ABHD17B: variants seen among roughly 807,000 people sequenced by gnomAD.
ABHD17B encodes the protein alpha/beta hydrolase domain-containing protein 17B.
ABHD17B carries 9 observed loss-of-function variants against 26.2 expected under a neutral mutation model. That is an observed-to-expected ratio of 0.34 (90% confidence interval 0.21 to 0.60). ABHD17B has a LOEUF of 0.60. Among genes scored for constraint, ABHD17B ranks in the 20% least tolerant of loss-of-function variants. The pLI, the probability that ABHD17B is intolerant of heterozygous loss-of-function variation, is 0.80. For missense variants in ABHD17B, 224 were observed against 352.1 expected (o/e 0.64, Z 2.91); for synonymous variants, 127 against 122.3 (o/e 1.04, Z -0.25).
intron 1 of ABHD17B, among the ~76,000 whole-genome samples, chr9:71,887,985 T>C (rs1268085372): frequency 1.3e-5 from 2 of 152,220 alleles, no homozygotes; most frequent in Admixed American, 1.3e-4. Context: ...AAAGGATTCA[T>C]GTTCTTGAGA....
At chr9:71,862,495 T>C, downstream of ABHD17B, 1 of 1,463,750 alleles carries the variant, frequency 6.8e-7, no homozygotes, top group Non-Finnish European at 9.2e-7. Context: ...GAAAGGATCA[T>C]TGGTATATTA....
chr9:71,866,138 T>C lies in ABHD17B; in HGVS notation c.*649A>G. 1.0e-6 allele frequency: 1 copy of C among 985,254 alleles called. No homozygotes were observed. The highest frequency in any genetic ancestry group is 1.2e-6 in the Non-Finnish European group (1 of 829,402). 61.0% of individuals were successfully genotyped at this position (985,254 alleles called of 1,614,324 possible). A position where few individuals can be genotyped will look rare whatever the true frequency, so the allele number is the denominator to read the frequency against. On this transcript the variant is annotated 3_prime_UTR_variant, in exon 4 of 4. Coordinates refer to ENST00000333421, the MANE Select transcript of ABHD17B (RefSeq NM_001025780.3). ...AGTTAAAATTCAGTGCTATCATGAC[T>C]TCTCATTTACAAGGTAACTCATTGG...
At chr9:71,888,641 A>G (rs1001710179) in intron 1 of ABHD17B, among the ~76,000 whole-genome samples, 1 of 152,176 alleles carries the variant, frequency 6.6e-6, no homozygotes. Context: ...GGTTCATATT[A>G]TGGGTACCCC....
At chr9:71,884,950 GTTTTTCATATGGGGGCAAAACAGAATC>G (rs1343357621) in intron 1 of ABHD17B, among the ~76,000 whole-genome samples, 2 of 152,206 alleles carry the variant, frequency 1.3e-5, no homozygotes, top group African/African-American at 2.4e-5. Flanking sequence ...TATTACTTAG[GTTTTTCATATGGGGGCAAAACAGAATC>G]TTTTTCATAT....
At chr9:71,905,812 G>T (rs183338634) in intron 1 of ABHD17B, among the ~76,000 whole-genome samples, 1 of 152,246 alleles carries the variant, frequency 6.6e-6, no homozygotes, top group East Asian at 1.9e-4. Flanking sequence ...GCAGCGCCAT[G>T]GTAGGCAGAT....
rs376882296 is a variant in ABHD17B at position 71,880,716 on chromosome 9, C to T, written c.-3-5633G>A. On this transcript the variant is annotated intron_variant, in intron 1 of 3. Transcript: ENST00000333421. ...AATAAGATCGCACCCACAACCAAAACGACTATCTAGGAATTAATATAAAAT... is the reference window on the plus strand; with the variant it reads ...AATAAGATCGCACCCACAACCAAAATGACTATCTAGGAATTAATATAAAAT... Among the ~76,000 whole-genome samples the T allele has an allele frequency of 2.2e-4, 33 of 151,844 alleles. No homozygotes were observed. The East Asian group carries it at 2.9e-3, about 13-fold the overall frequency.
At chr9:71,891,303 T>G (rs1223727673) in intron 1 of ABHD17B, among the ~76,000 whole-genome samples, 1 of 152,180 alleles carries the variant, frequency 6.6e-6, no homozygotes, top group African/African-American at 2.4e-5. Context: ...TATCTAAATG[T>G]GTGTTATTGT....
intron 1 of ABHD17B, among the ~76,000 whole-genome samples, chr9:71,888,871 A>G (rs1272371491): frequency 6.6e-6 from 1 of 152,202 alleles, no homozygotes; most frequent in Non-Finnish European, 1.5e-5. Flanking sequence ...GCTGTAAAAC[A>G]TATTAGAGCT....
At chr9:71,903,266 C>T (rs1827194740) in intron 1 of ABHD17B, among the ~76,000 whole-genome samples, 1 of 151,930 alleles carries the variant, frequency 6.6e-6, no homozygotes, top group South Asian at 2.1e-4. Context: ...ATTCTAACAT[C>T]ACCTCAGACA....
At chr9:71,862,508 CCAGTT>C (rs1825853849), downstream of ABHD17B, 2 of 1,520,000 alleles carry the variant, frequency 1.3e-6, no homozygotes, top group Non-Finnish European at 1.8e-6. Flanking sequence ...GTATATTAAT[CCAGTT>C]AAGTTTGGTA....
chr9:71,880,547 C>T (rs1275332497), intron 1 of ABHD17B, among the ~76,000 whole-genome samples: 2 of 151,972 alleles, frequency 1.3e-5, no homozygotes, highest in Non-Finnish European at 2.9e-5. Flanking sequence ...TATAATTACC[C>T]TGATAGAAAA....
At chr9:71,892,650 T>G (rs1826821905) in intron 1 of ABHD17B, among the ~76,000 whole-genome samples, 1 of 145,722 alleles carries the variant, frequency 6.9e-6, no homozygotes, top group Non-Finnish European at 1.5e-5. Context: ...AGCAAATTAA[T>G]TTGGGGGGGG....
chr9:71,874,948 G>C lies in ABHD17B; in HGVS notation c.133C>G (p.Arg45Gly). 6.2e-7 allele frequency: 1 copy of C among 1,614,148 alleles called. No homozygotes were observed. The highest frequency in any genetic ancestry group is 8.5e-7 in the Non-Finnish European group (1 of 1,180,022). ...YTLMCDESGSRWTLHLSERAD... is the reference protein window; with the variant it reads ...YTLMCDESGSGWTLHLSERAD... ...CGTTCAGACAGATGTAAAGTCCAACGGCTTCCGCTTTCATCACACATCAGT... is the reference window on the plus strand; with the variant it reads ...CGTTCAGACAGATGTAAAGTCCAACCGCTTCCGCTTTCATCACACATCAGT... The change falls in exon 2 of 4, where the codon CGT (arginine) becomes GGT (glycine). Residue 45 changes from arginine (R) to glycine (G), a missense_variant. Physicochemically the swap from Arg to Gly is moderately radical, Grantham distance 125. Transcript: ENST00000333421.
At chr9:71,900,219 T>C (rs540660377) in intron 1 of ABHD17B, among the ~76,000 whole-genome samples, 3 of 152,326 alleles carry the variant, frequency 2.0e-5, no homozygotes, top group African/African-American at 7.2e-5. Context: ...AAAGAACAAC[T>C]CAAAATGTGC....
chr9:71,875,184 A>G, intron 1 of ABHD17B, 101 bp from the exon 2 acceptor site: 1 of 893,494 alleles, frequency 1.1e-6, no homozygotes, highest in South Asian at 1.7e-5. Context: ...TTGGTGGTTA[A>G]TGACTATTAC....
Position 71,865,788 on chromosome 9 carries a change from G to C in ABHD17B, c.*999C>G, listed in dbSNP as rs1825940891. On this transcript the variant is annotated 3_prime_UTR_variant, in exon 4 of 4. Coordinates refer to ENST00000333421, the MANE Select transcript of ABHD17B (RefSeq NM_001025780.3). ...AGGCAGGAGAATCACTTGATCCCGGGAGGCAGAGGTTGCAGTGAATCAAGA... is the reference window on the plus strand; with the variant it reads ...AGGCAGGAGAATCACTTGATCCCGGCAGGCAGAGGTTGCAGTGAATCAAGA... 2 of 754,514 alleles carry C rather than the reference G, an allele frequency of 2.7e-6. No homozygotes were observed. 46.7% of individuals were successfully genotyped at this position (754,514 alleles called of 1,614,324 possible).
At chr9:71,908,359 G>A (rs567888436) in intron 1 of ABHD17B, among the ~76,000 whole-genome samples, 1 of 134,944 alleles carries the variant, frequency 7.4e-6, no homozygotes, top group Non-Finnish European at 1.5e-5. Flanking sequence ...GCCATTGCAC[G>A]CCAGCCTGGG....
intron 1 of ABHD17B, among the ~76,000 whole-genome samples, chr9:71,889,471 C>A (rs1417858389): frequency 6.6e-6 from 1 of 152,084 alleles, no homozygotes; most frequent in Non-Finnish European, 1.5e-5. Flanking sequence ...ATTGGGAAAA[C>A]CTCCTCTGAG....
At chr9:71,898,749 G>A (rs538877986) in intron 1 of ABHD17B, among the ~76,000 whole-genome samples, 1 of 152,158 alleles carries the variant, frequency 6.6e-6, no homozygotes, top group Non-Finnish European at 1.5e-5. Flanking sequence ...TGCAATCCCA[G>A]CACTTTGGGA....
Sources: allele counts gnomAD v4.1 joint callset (sites outside exome capture counted in the v4.1 genomes callset), GRCh38; gene constraint gnomAD v4.1.1; transcripts MANE v1.5; gene names NCBI Gene and HGNC (gene_info 2026-07-23, HGNC 2026-07-21).